SMIM45: variants seen among roughly 807,000 people sequenced by gnomAD.
The protein encoded by SMIM45 is long intergenic non-protein coding RNA 634.
chr22:41,949,043 C>T, the SMIM45 span, among the ~76,000 whole-genome samples: 1 of 151,786 alleles, frequency 6.6e-6, no homozygotes, highest in East Asian at 1.9e-4. Flanking sequence ...CTGGCCTGGG[C>T]AACAAGAGCG....
At chr22:41,950,290 A>G in the SMIM45 span, among the ~76,000 whole-genome samples, 1 of 152,198 alleles carries the variant, frequency 6.6e-6, no homozygotes, top group African/African-American at 2.4e-5. Flanking sequence ...ATATGTATAT[A>G]CTTAAGAAGC....
chr22:41,947,963 G>A, the SMIM45 span, among the ~76,000 whole-genome samples: 5 of 152,166 alleles, frequency 3.3e-5, no homozygotes, highest in African/African-American at 1.2e-4. Flanking sequence ...TGAGTGGTAA[G>A]CATGCTGTTC....
the SMIM45 span, among the ~76,000 whole-genome samples, chr22:41,957,181 CTTTTTTTTTTTTTTT>C: frequency 1.7e-5 from 1 of 59,292 alleles, no homozygotes; most frequent in East Asian, 5.0e-4. Flanking sequence ...ACCACGTGGT[CTTTTTTTTTTTTTTT>C]TTTTTTTTTT....
chr22:41,949,832 G>A, the SMIM45 span, among the ~76,000 whole-genome samples: 4 of 152,270 alleles, frequency 2.6e-5, no homozygotes, highest in African/African-American at 4.8e-5. Flanking sequence ...TCACCGGGGC[G>A]GTGATCATTG....
At chr22:41,947,148 A>G in the SMIM45 span, 1 of 1,503,672 alleles carries the variant, frequency 6.7e-7, no homozygotes, top group Non-Finnish European at 9.2e-7. Flanking sequence ...TCCAGCCCCT[A>G]GAGCGCGGCC....
At chr22:41,953,776 A>G in the SMIM45 span, among the ~76,000 whole-genome samples, 5 of 104,304 alleles carry the variant, frequency 4.8e-5, no homozygotes, top group South Asian at 3.4e-4. Flanking sequence ...TTTGAGATGG[A>G]GTCTCGCTCT....
chr22:41,950,640 G>A, the SMIM45 span, among the ~76,000 whole-genome samples: 1 of 152,154 alleles, frequency 6.6e-6, no homozygotes, highest in African/African-American at 2.4e-5. Flanking sequence ...AGAGGTTGCA[G>A]TGAGCCATGA....
At chr22:41,948,215 A>G in the SMIM45 span, among the ~76,000 whole-genome samples, 2 of 152,332 alleles carry the variant, frequency 1.3e-5, no homozygotes, top group African/African-American at 4.8e-5. Flanking sequence ...CAGCACTCTA[A>G]AAGTCCCTGG....
the SMIM45 span, among the ~76,000 whole-genome samples, chr22:41,951,287 A>G: frequency 6.6e-6 from 1 of 152,196 alleles, no homozygotes; most frequent in African/African-American, 2.4e-5. Context: ...TACCTTGTCT[A>G]TGGCATAGGG....
chr22:41,951,111 G>A, the SMIM45 span, among the ~76,000 whole-genome samples: 2 of 152,264 alleles, frequency 1.3e-5, no homozygotes, highest in East Asian at 3.8e-4. Flanking sequence ...GGGGGACCTA[G>A]GTCCTGAAGC....
the SMIM45 span, among the ~76,000 whole-genome samples, chr22:41,947,599 C>T: frequency 6.6e-6 from 1 of 151,718 alleles, no homozygotes; most frequent in Admixed American, 6.6e-5. Context: ...AACTCCTGGC[C>T]TCAAGTGATC....
the SMIM45 span, among the ~76,000 whole-genome samples, chr22:41,955,895 A>G: frequency 6.6e-6 from 1 of 152,092 alleles, no homozygotes; most frequent in Non-Finnish European, 1.5e-5. Context: ...TGAGGCTCAG[A>G]GAATAAGAAC....
At chr22:41,958,236 C>G in the SMIM45 span, 1 of 451,804 alleles carries the variant, frequency 2.2e-6, no homozygotes, top group Non-Finnish European at 4.5e-6. Context: ...GCTGCCTGTC[C>G]TGAGGCTCCG....
At chr22:41,946,994 G>C in the SMIM45 span, 1 of 1,611,602 alleles carries the variant, frequency 6.2e-7, no homozygotes, top group South Asian at 1.1e-5. Flanking sequence ...AAAACCGGCG[G>C]GGGAAGCAGG....
chr22:41,948,331 C>T, the SMIM45 span, among the ~76,000 whole-genome samples: 1 of 152,086 alleles, frequency 6.6e-6, no homozygotes, highest in South Asian at 2.1e-4. Context: ...GACCCAATGC[C>T]CTACCCTAGG....
the SMIM45 span, among the ~76,000 whole-genome samples, chr22:41,956,111 G>A: frequency 2.6e-5 from 4 of 151,850 alleles, no homozygotes. Flanking sequence ...CCAGACTTAG[G>A]TGATCCTTCC....
chr22:41,955,535 G>A, the SMIM45 span, among the ~76,000 whole-genome samples: 1 of 152,066 alleles, frequency 6.6e-6, no homozygotes, highest in Non-Finnish European at 1.5e-5. Flanking sequence ...GGCTGCATGC[G>A]GTGGCTCACG....
chr22:41,958,682 C>G, the SMIM45 span: 6 of 259,744 alleles, frequency 2.3e-5, no homozygotes, highest in East Asian at 5.6e-4. Flanking sequence ...TAGCCCTTCC[C>G]CCTCCCCAAG....
the SMIM45 span, chr22:41,958,049 G>A: frequency 3.5e-6 from 1 of 282,774 alleles, no homozygotes; most frequent in Non-Finnish European, 7.1e-6. Flanking sequence ...GAGGCCCCAG[G>A]TGCGCTGGCA....
Sources: gnomAD v4.1 joint callset for allele counts (sites outside exome capture counted in the v4.1 genomes callset) on GRCh38, gnomAD v4.1.1 for gene constraint, MANE v1.5 for transcripts, NCBI Gene and HGNC (gene_info 2026-07-23, HGNC 2026-07-21) for gene names.